Variants in PARD3 observed in about 807,000 individuals in gnomAD.
The protein encoded by PARD3 is partitioning defective 3 homolog.
PARD3 carries 75 observed loss-of-function variants against 155.4 expected under a neutral mutation model. That is an observed-to-expected ratio of 0.48 (90% CI 0.40 to 0.58). PARD3 has a LOEUF of 0.58. PARD3 is among the 20% of genes least tolerant of loss of function. The pLI is 0.00. For missense variants in PARD3, 1,642 were observed against 1,721.7 expected, an observed-to-expected ratio of 0.95 and a Z score of 0.82; for synonymous variants, 576 against 610.5, an observed-to-expected ratio of 0.94 and a Z score of 0.83.
intron 1 of PARD3, among the ~76,000 whole-genome samples, chr10:34,747,347 C>A (rs1345052415): frequency 6.6e-6 from 1 of 152,122 alleles, no homozygotes; most frequent in Non-Finnish European, 1.5e-5. Flanking sequence ...AATTCGTTTT[C>A]CATGTGGAAA....
intron 3 of PARD3, among the ~76,000 whole-genome samples, chr10:34,493,772 T>C (rs1428356734): frequency 1.3e-5 from 2 of 151,852 alleles, no homozygotes; most frequent in Non-Finnish European, 2.9e-5. Flanking sequence ...TTATAGTACA[T>C]AAACTTCCAA....
At chr10:34,552,586 C>T (rs375971916) in intron 2 of PARD3, among the ~76,000 whole-genome samples, 64 of 152,234 alleles carry the variant, frequency 4.2e-4, no homozygotes, top group African/African-American at 1.3e-3. Context: ...TGGCGGTGCA[C>T]GCCTGTAATC....
At chr10:34,399,742 T>G (rs1843699519) in intron 6 of PARD3, among the ~76,000 whole-genome samples, 1 of 152,178 alleles carries the variant, frequency 6.6e-6, no homozygotes, top group Non-Finnish European at 1.5e-5. Flanking sequence ...TTTATGTCTT[T>G]CAAGTAAAAT....
intron 1 of PARD3, among the ~76,000 whole-genome samples, chr10:34,704,609 T>C (rs551803915): frequency 6.6e-6 from 1 of 152,202 alleles, no homozygotes; most frequent in East Asian, 1.9e-4. Flanking sequence ...GCAATTTACA[T>C]AAAAATATTA....
chr10:34,630,715 AT>A (rs2092227054), intron 2 of PARD3, among the ~76,000 whole-genome samples: 1 of 152,080 alleles, frequency 6.6e-6, no homozygotes, highest in Non-Finnish European at 1.5e-5. Context: ...AAGTGCTGGG[AT>A]TACAGGCATG....
intron 2 of PARD3, among the ~76,000 whole-genome samples, chr10:34,674,388 G>A (rs1282451499): frequency 6.6e-6 from 1 of 151,822 alleles, no homozygotes; most frequent in Admixed American, 6.6e-5. Flanking sequence ...TCACTGCCTA[G>A]CGGGTAGCCC....
chr10:34,799,367 G>T (rs955192391), intron 1 of PARD3, among the ~76,000 whole-genome samples: 3 of 152,074 alleles, frequency 2.0e-5, no homozygotes, highest in Non-Finnish European at 4.4e-5. Flanking sequence ...ATACGGAGGT[G>T]TCTAGAATGG....
chr10:34,382,528 G>C lies in PARD3; in HGVS notation c.1399+12C>G. ...AAGAAATTCCACAAAACAAAAACAG[G>C]ATAGGTCGTACCTTTCTTAAGCTGG... On this transcript the variant is annotated intron_variant, in intron 9 of 24. Coordinates refer to ENST00000374788, the MANE Select transcript of PARD3 (RefSeq NM_001184785.2). The C allele has an allele frequency of 6.2e-7, 1 of 1,603,276 alleles. No homozygotes were observed. Among genetic ancestry groups the C allele is most frequent in the Non-Finnish European group, 8.5e-7 (1 of 1,177,638 alleles).
intron 5 of PARD3, among the ~76,000 whole-genome samples, chr10:34,426,905 A>C (rs1277481816): frequency 6.6e-6 from 1 of 152,328 alleles, no homozygotes; most frequent in South Asian, 2.1e-4. Flanking sequence ...TAATACTTTT[A>C]TAATTTCTTA....
At chr10:34,476,572 T>C (rs951990434) in intron 3 of PARD3, among the ~76,000 whole-genome samples, 3 of 152,198 alleles carry the variant, frequency 2.0e-5, no homozygotes, top group Admixed American at 6.5e-5. Flanking sequence ...GTCACCTCTC[T>C]GGGCCTCCAT....
chr10:34,705,847 T>C (rs2094355255), intron 1 of PARD3, among the ~76,000 whole-genome samples: 1 of 152,060 alleles, frequency 6.6e-6, no homozygotes, highest in Non-Finnish European at 1.5e-5. Flanking sequence ...CAATCAAAAG[T>C]GAAAATGGAG....
chr10:34,152,675 A>C (rs1948832890), intron 22 of PARD3, among the ~76,000 whole-genome samples: 1 of 152,158 alleles, frequency 6.6e-6, no homozygotes, highest in Non-Finnish European at 1.5e-5. Context: ...TGTTTTTTTC[A>C]AAAGGATTAT....
chr10:34,137,170 C>T (rs1419724404), intron 22 of PARD3, among the ~76,000 whole-genome samples: 1 of 152,148 alleles, frequency 6.6e-6, no homozygotes, highest in East Asian at 1.9e-4. Flanking sequence ...CCTAGCTAAA[C>T]GTGTGTCATG....
At chr10:34,359,024 A>G (rs1839183765) in intron 14 of PARD3, 123 bp downstream of exon 14, 1 of 659,944 alleles carries the variant, frequency 1.5e-6, no homozygotes, top group African/African-American at 1.8e-5. Flanking sequence ...AACTACAATA[A>G]GCAAAGATAA....
intron 22 of PARD3, among the ~76,000 whole-genome samples, chr10:34,266,641 T>C (rs138443668): frequency 1.3e-5 from 2 of 152,198 alleles, no homozygotes; most frequent in Admixed American, 1.3e-4. Context: ...GGCTTTTGAA[T>C]ACAGCAATGT....
In PARD3 at chr10:34,374,941, G is replaced by C. The variant is rs748077590; in HGVS notation, c.1601C>G (p.Thr534Ser). The change falls in exon 11 of 25, where the codon ACC (threonine) becomes AGC (serine). Residue 534 changes from threonine to serine, a missense_variant. Thr to Ser is a moderately conservative substitution (Grantham distance 58, BLOSUM62 1). Transcript: ENST00000374788. Reference sequence around the variant, plus strand: ...AAGGCTCACAGTTCCTTCCATCTTGGTGCTTCTCAACAGCGAAACAACTTC... The same window carrying C: ...AAGGCTCACAGTTCCTTCCATCTTGCTGCTTCTCAACAGCGAAACAACTTC... ...QEEVVSLLRSTKMEGTVSLLV... is the reference protein window; with the variant it reads ...QEEVVSLLRSSKMEGTVSLLV... 47 of 1,613,552 alleles carry C rather than the reference G, an allele frequency of 2.9e-5. No homozygotes were observed. Among genetic ancestry groups the C allele is most frequent in the Admixed American group, 5.0e-5 (3 of 59,952 alleles).
chr10:34,687,318 G>C (rs1308836303), intron 2 of PARD3, among the ~76,000 whole-genome samples: 1 of 152,136 alleles, frequency 6.6e-6, no homozygotes, highest in African/African-American at 2.4e-5. Context: ...GCCCCTGTTA[G>C]CTTTTCCTCA....
At chr10:34,759,327 A>G (rs935104966) in intron 1 of PARD3, among the ~76,000 whole-genome samples, 3 of 152,332 alleles carry the variant, frequency 2.0e-5, no homozygotes, top group Non-Finnish European at 2.9e-5. Context: ...AAGAAAAACA[A>G]TGTACATAAT....
chr10:34,440,129 AAAT>A (rs1187273450), intron 5 of PARD3, among the ~76,000 whole-genome samples: 2 of 152,228 alleles, frequency 1.3e-5, no homozygotes, highest in Non-Finnish European at 2.9e-5. Context: ...GAAATAGATT[AAAT>A]AGCTAGATCA....
Sources: allele counts gnomAD v4.1 joint callset (sites outside exome capture counted in the v4.1 genomes callset), GRCh38; gene constraint gnomAD v4.1.1; transcripts MANE v1.5; gene names NCBI Gene and HGNC (gene_info 2026-07-23, HGNC 2026-07-21).